The following ATP6V0D2 variants were observed in gnomAD, a reference collection of about 807,000 sequenced individuals.
ATP6V0D2 encodes the protein V-type proton ATPase subunit d 2.
In ATP6V0D2, 40 loss-of-function variants were observed where a neutral mutation model predicts 40.0. The ratio of observed to expected loss-of-function variants is 1.00; its 90% CI spans 0.78 to 1.30. The LOEUF (loss-of-function observed/expected upper bound fraction) is 1.30, where lower values mean the gene tolerates loss of function less well. Among genes scored for constraint, ATP6V0D2 ranks in the 50% most tolerant of loss-of-function variants. ATP6V0D2 has a pLI of 0.00. For missense variants in ATP6V0D2, 470 were observed against 423.1 expected (o/e 1.11, Z -0.97); for synonymous variants, 179 against 156.3 (o/e 1.15, Z -1.08).
At chr8:86,112,515 A>G (rs1056965903) in intron 1 of ATP6V0D2, among the ~76,000 whole-genome samples, 4 of 152,176 alleles carry the variant, frequency 2.6e-5, no homozygotes, top group Non-Finnish European at 5.9e-5. Context: ...ACCTCATAAA[A>G]TTGCCATGAG....
chr8:86,127,715 C>G (rs1020180339), intron 2 of ATP6V0D2, among the ~76,000 whole-genome samples: 1 of 152,198 alleles, frequency 6.6e-6, no homozygotes, highest in Non-Finnish European at 1.5e-5. Flanking sequence ...TGAGCCACAG[C>G]TCCCAGCCTG....
At chr8:86,110,075 A>C (rs1818512401) in intron 1 of ATP6V0D2, among the ~76,000 whole-genome samples, 1 of 152,302 alleles carries the variant, frequency 6.6e-6, no homozygotes, top group South Asian at 2.1e-4. Context: ...ATCATATGCA[A>C]CATGATGTTT....
At chr8:86,151,755 C>CTTT (rs564476016) in intron 7 of ATP6V0D2, among the ~76,000 whole-genome samples, 1 of 85,512 alleles carries the variant, frequency 1.2e-5, no homozygotes, top group Non-Finnish European at 3.0e-5. Context: ...GCTTTTCTTT[C>CTTT]TTTTTTTTTT....
At chr8:86,125,678 C>A (rs916895297) in intron 2 of ATP6V0D2, among the ~76,000 whole-genome samples, 2 of 151,996 alleles carry the variant, frequency 1.3e-5, no homozygotes, top group African/African-American at 2.4e-5. Flanking sequence ...GGTAACCACT[C>A]AAAACTTTCA....
At chr8:86,139,046 A>G (rs2626336) in intron 2 of ATP6V0D2, among the ~76,000 whole-genome samples, 129,595 of 152,026 alleles carry the variant, frequency 0.85, 55,371 homozygotes, top group Middle Eastern at 0.91. Flanking sequence ...TGGCCAACAC[A>G]GTGAAACCCT....
intron 5 of ATP6V0D2, among the ~76,000 whole-genome samples, chr8:86,145,233 A>AAGAG (rs1181332154): frequency 7.5e-4 from 29 of 38,476 alleles, no homozygotes; most frequent in East Asian, 1.2e-3. Flanking sequence ...GAAAGAAAGA[A>AAGAG]AGAGAGAGAG....
At chr8:86,101,892 T>C (rs1818404006) in intron 1 of ATP6V0D2, among the ~76,000 whole-genome samples, 1 of 152,210 alleles carries the variant, frequency 6.6e-6, no homozygotes, top group South Asian at 2.1e-4. Context: ...CATTTGAATC[T>C]GTGTGCCAAT....
intron 5 of ATP6V0D2, among the ~76,000 whole-genome samples, chr8:86,147,368 T>A (rs551669420): frequency 6.6e-6 from 1 of 152,122 alleles, no homozygotes; most frequent in African/African-American, 2.4e-5. Flanking sequence ...ACAAAAAAAA[T>A]AAGGTCTAGT....
intron 2 of ATP6V0D2, 23 bp downstream of exon 2, chr8:86,113,903 A>T: frequency 6.3e-7 from 1 of 1,598,810 alleles, no homozygotes; most frequent in African/African-American, 1.3e-5. Flanking sequence ...AGAAAGCCCT[A>T]ATAAGCCCCA....
chr8:86,121,604 G>GGAGGAGGAGGAGGAGGAGGAGGAT, intron 2 of ATP6V0D2, among the ~76,000 whole-genome samples: 2 of 141,194 alleles, frequency 1.4e-5, no homozygotes, highest in African/African-American at 5.3e-5. Context: ...AGGAGGAGGA[G>GGAGGAGGAGGAGGAGGAGGAGGAT]GAGGAGGAGG....
intron 5 of ATP6V0D2, among the ~76,000 whole-genome samples, chr8:86,147,398 T>A (rs1457614182): frequency 6.6e-6 from 1 of 152,160 alleles, no homozygotes; most frequent in Non-Finnish European, 1.5e-5. Flanking sequence ...AGTAAGTTTT[T>A]ATAGGGAAAA....
At chr8:86,138,556 A>C (rs928941260) in intron 2 of ATP6V0D2, among the ~76,000 whole-genome samples, 3 of 152,238 alleles carry the variant, frequency 2.0e-5, no homozygotes, top group African/African-American at 7.2e-5. Flanking sequence ...AAATAAAGAA[A>C]TCACATAAAA....
chr8:86,099,133 T>TAAA (rs751619921), intron 1 of ATP6V0D2, 25 bp downstream of exon 1: 20 of 1,449,658 alleles, frequency 1.4e-5, no homozygotes, highest in Middle Eastern at 1.9e-4. Context: ...TCTCACCCTT[T>TAAA]AAAAAGAAAA....
chr8:86,146,992 G>A (rs1819079102), intron 5 of ATP6V0D2, among the ~76,000 whole-genome samples: 1 of 128,362 alleles, frequency 7.8e-6, no homozygotes, highest in Non-Finnish European at 1.6e-5. Context: ...CTAATTACAA[G>A]ATTATAACTT....
chr8:86,134,071 T>A (rs1207820819), intron 2 of ATP6V0D2, among the ~76,000 whole-genome samples: 1 of 151,968 alleles, frequency 6.6e-6, no homozygotes, highest in African/African-American at 2.4e-5. Context: ...TTGAAAGCTA[T>A]GGGAAATGAC....
intron 2 of ATP6V0D2, among the ~76,000 whole-genome samples, chr8:86,123,073 G>A (rs1818694736): frequency 6.6e-6 from 1 of 152,148 alleles, no homozygotes; most frequent in African/African-American, 2.4e-5. Flanking sequence ...CCCCTGGGTG[G>A]CCATGTGATA....
At chr8:86,118,303 ACCTCAAGTGATCCACCCG>A (rs1205470159) in intron 2 of ATP6V0D2, among the ~76,000 whole-genome samples, 1 of 147,840 alleles carries the variant, frequency 6.8e-6, no homozygotes, top group Non-Finnish European at 1.5e-5. Context: ...TGAACTCCTG[ACCTCAAGTGATCCACCCG>A]CCTCAGACTT....
intron 6 of ATP6V0D2, among the ~76,000 whole-genome samples, chr8:86,151,015 T>A (rs1055391407): frequency 6.6e-6 from 1 of 152,334 alleles, no homozygotes; most frequent in Admixed American, 6.5e-5. Flanking sequence ...CATATGTAAT[T>A]GCGTGAGACT....
intron 2 of ATP6V0D2, among the ~76,000 whole-genome samples, chr8:86,129,259 G>A (rs1818785497): frequency 6.6e-6 from 1 of 152,230 alleles, no homozygotes; most frequent in African/African-American, 2.4e-5. Flanking sequence ...GGCTCCTACT[G>A]TGACAACTTC....
Sources: allele counts gnomAD v4.1 joint callset (sites outside exome capture counted in the v4.1 genomes callset), GRCh38; gene constraint gnomAD v4.1.1; transcripts MANE v1.5; gene names NCBI Gene and HGNC (gene_info 2026-07-23, HGNC 2026-07-21).